The following N4BP2L2 variants were observed in gnomAD, a reference collection of about 807,000 sequenced individuals.
The protein encoded by N4BP2L2 is NEDD4-binding protein 2-like 2.
A neutral mutation model predicts 56.2 loss-of-function variants in N4BP2L2; 50 were observed. The ratio of observed to expected loss-of-function variants is 0.89; its 90% confidence interval spans 0.71 to 1.13. The LOEUF (loss-of-function observed/expected upper bound fraction) is 1.13. Ranked by LOEUF, N4BP2L2 falls within the 50% of genes most tolerant of loss-of-function variation. N4BP2L2 has a pLI of 0.00. For synonymous variants in N4BP2L2, 203 were observed against 223.6 expected, an observed-to-expected ratio of 0.91 and a Z score of 0.82; for missense variants, 689 against 693.8, an observed-to-expected ratio of 0.99 and a Z score of 0.08.
intron 6 of N4BP2L2, among the ~76,000 whole-genome samples, chr13:32,482,792 A>G (rs1434895010): frequency 6.6e-6 from 1 of 152,176 alleles, no homozygotes; most frequent in East Asian, 1.9e-4. Context: ...ATTTGGTAAA[A>G]GTTTTCATGT....
intron 6 of N4BP2L2, among the ~76,000 whole-genome samples, chr13:32,483,151 C>A (rs1354571177): frequency 6.6e-6 from 1 of 152,154 alleles, no homozygotes; most frequent in Non-Finnish European, 1.5e-5. Flanking sequence ...ACTTGGGAAA[C>A]CCTCTTCTTA....
chr13:32,487,205 G>A (rs2086074055), intron 6 of N4BP2L2, among the ~76,000 whole-genome samples: 1 of 152,100 alleles, frequency 6.6e-6, no homozygotes, highest in African/African-American at 2.4e-5. Flanking sequence ...CCAGTTTGGT[G>A]ATATATGCCT....
Position 32,522,303 on chromosome 13 carries a change from AC to A in N4BP2L2, c.1385-34del, listed in dbSNP as rs1300012435. 14 of 1,354,044 alleles carry A rather than the reference AC, an allele frequency of 1.0e-5. No homozygotes were observed. In the Admixed American group the frequency reaches 2.8e-4, roughly 27 times the overall value. The allele number at this position is 1,354,044 out of a possible 1,614,324, so 83.9% of individuals were successfully genotyped here. ...AAAATATAAATTTAAAAATAAAAAAACAAATTAGGTTAAAACACACAAAAGT... is the reference window on the plus strand; with the variant it reads ...AAAATATAAATTTAAAAATAAAAAAAAAATTAGGTTAAAACACACAAAAGT... On this transcript the variant is annotated intron_variant, in intron 3 of 5. Transcript: ENST00000267068.
chr13:32,519,380 T>G (rs1447544285), intron 5 of N4BP2L2, among the ~76,000 whole-genome samples: 1 of 151,458 alleles, frequency 6.6e-6, no homozygotes, highest in Non-Finnish European at 1.5e-5. Flanking sequence ...GCAAGCCGGG[T>G]GCAGTGGCTC....
intron 6 of N4BP2L2, among the ~76,000 whole-genome samples, chr13:32,470,932 T>C (rs1163432829): frequency 2.0e-5 from 3 of 152,160 alleles, no homozygotes; most frequent in Non-Finnish European, 2.9e-5. Context: ...CACAGATAGG[T>C]CTAGCTGGGG....
At chr13:32,500,232 A>G (rs960380903) in intron 6 of N4BP2L2, among the ~76,000 whole-genome samples, 1 of 152,228 alleles carries the variant, frequency 6.6e-6, no homozygotes, top group Non-Finnish European at 1.5e-5. Context: ...CATCAGTGTC[A>G]TAACATAGCA....
chr13:32,471,089 G>C (rs551080393), intron 6 of N4BP2L2, among the ~76,000 whole-genome samples: 1 of 152,322 alleles, frequency 6.6e-6, no homozygotes, highest in African/African-American at 2.4e-5. Context: ...ACAGTAATCT[G>C]TACTAATAGC....
Position 32,442,387 on chromosome 13 carries a change from C to T in N4BP2L2, c.2104+1G>A. 6.4e-7 allele frequency: 1 copy of T among 1,570,072 alleles called. No individual in the cohort carries two copies. The highest frequency in any genetic ancestry group is 8.6e-7 in the Non-Finnish European group (1 of 1,161,152). ...ACTTTTAGCAAAAGAAAACAACTTA[C>T]CCATTGGAACGCCTGGAGATCCAAA... On this transcript the variant is annotated splice_donor_variant, in intron 7 of 9. Coordinates refer to the N4BP2L2 transcript ENST00000357505. LOFTEE classifies it high-confidence loss of function.
chr13:32,508,831 T>A (rs184337663), downstream of N4BP2L2: 3 of 152,298 alleles, frequency 2.0e-5, no homozygotes, highest in East Asian at 5.8e-4. Flanking sequence ...TTCTAAAAAG[T>A]GATTATGAAC....
In N4BP2L2 at chr13:32,536,521, G is replaced by T; in HGVS notation, c.507C>A (p.Asp169Glu). 2.5e-6 allele frequency: 4 copies of T among 1,613,720 alleles called. No individual in the cohort carries two copies. In the South Asian group the frequency reaches 4.4e-5, roughly 18 times the overall value. Residue 169 changes from aspartate (D) to glutamate (E), a missense_variant, in exon 2 of 6, where the codon GAC becomes GAA. By Grantham distance (45) the Asp-to-Glu change is conservative. Transcript: ENST00000267068. ...CTTTGTAAAACTGGAATAATTCATT[G>T]TCAATCTCTGATTTTTCAGAGTTAA...
intron 3 of N4BP2L2, 77 bp from the exon 4 acceptor site, chr13:32,522,347 G>T: frequency 8.3e-6 from 8 of 960,100 alleles, no homozygotes; most frequent in South Asian, 1.7e-5. Context: ...TTATTATTAA[G>T]AAATGTACTA....
chr13:32,494,082 G>A (rs960225168), intron 6 of N4BP2L2, among the ~76,000 whole-genome samples: 2 of 151,938 alleles, frequency 1.3e-5, no homozygotes, highest in African/African-American at 4.8e-5. Flanking sequence ...AGAACAGCCT[G>A]CTAACATGGT....
intron 6 of N4BP2L2, among the ~76,000 whole-genome samples, chr13:32,495,325 T>C (rs960553199): frequency 6.6e-6 from 1 of 152,258 alleles, no homozygotes; most frequent in Non-Finnish European, 1.5e-5. Flanking sequence ...TAGTAACCCA[T>C]CAACAGGTTA....
chr13:32,513,626 T>C (rs1357042810), exon 6 of N4BP2L2: 1 of 152,152 alleles, frequency 6.6e-6, no homozygotes, highest in South Asian at 2.1e-4. Context: ...AACTTAACTC[T>C]AAAAAATCAC....
At chr13:32,537,209 T>G (rs984070243) in intron 1 of N4BP2L2, among the ~76,000 whole-genome samples, 182 bp from the exon 2 acceptor site, 10 of 151,928 alleles carry the variant, frequency 6.6e-5, no homozygotes, top group African/African-American at 2.4e-4. Context: ...CACAACATGG[T>G]GGTTTATGGG....
chr13:32,460,337 T>A (rs997944166), intron 6 of N4BP2L2, among the ~76,000 whole-genome samples: 4 of 152,106 alleles, frequency 2.6e-5, no homozygotes, highest in African/African-American at 9.7e-5. Context: ...ATAAAAAGCA[T>A]CCAAATTGAA....
chr13:32,474,125 G>T (rs536586235), intron 6 of N4BP2L2, among the ~76,000 whole-genome samples: 1 of 152,138 alleles, frequency 6.6e-6, no homozygotes, highest in African/African-American at 2.4e-5. Context: ...GGAGTGAAAG[G>T]TCTTATCTAA....
intron 7 of N4BP2L2, among the ~76,000 whole-genome samples, chr13:32,441,902 A>C (rs970037825): frequency 4.0e-5 from 6 of 148,644 alleles, no homozygotes; most frequent in Non-Finnish European, 7.5e-5. Context: ...TAAATAAATA[A>C]ATAAATAAAT....
At chr13:32,435,060 T>G (rs1230465333) in intron 9 of N4BP2L2, among the ~76,000 whole-genome samples, 1 of 152,110 alleles carries the variant, frequency 6.6e-6, no homozygotes, top group East Asian at 1.9e-4. Flanking sequence ...TAGGGGAACT[T>G]CACTCACTAT....
Sources: gnomAD v4.1 joint callset for allele counts (sites outside exome capture counted in the v4.1 genomes callset) on GRCh38, gnomAD v4.1.1 for gene constraint, MANE v1.5 for transcripts, NCBI Gene and HGNC (gene_info 2026-07-23, HGNC 2026-07-21) for gene names.